Variants in CALN1 observed in about 807,000 individuals in gnomAD.
CALN1 encodes calneuron 1.
A neutral mutation model predicts 30.6 loss-of-function variants in CALN1; 17 were observed. The observed-to-expected ratio is 0.56, with a 90% CI of 0.38 to 0.83. The LOEUF is 0.83. Among genes scored for constraint, CALN1 ranks in the 40% least tolerant of loss-of-function variants. The probability of loss-of-function intolerance (pLI) is 0.00; values close to 1 mark genes in which losing one functional copy is unlikely to be tolerated. For synonymous variants in CALN1, 156 were observed against 131.4 expected, an observed-to-expected ratio of 1.19 and a Z score of -1.28; for missense variants, 291 against 354.9, an observed-to-expected ratio of 0.82 and a Z score of 1.45.
At chr7:72,186,008 C>A (rs1029703076) in intron 3 of CALN1, among the ~76,000 whole-genome samples, 43 of 152,030 alleles carry the variant, frequency 2.8e-4, no homozygotes, top group Non-Finnish European at 5.4e-4. Context: ...TGGGTGGGTG[C>A]AATGTCATTA....
chr7:72,106,373 G>A, intron 3 of CALN1, 79 bp from the exon 4 acceptor site: 1 of 1,559,772 alleles, frequency 6.4e-7, no homozygotes, highest in Non-Finnish European at 8.8e-7. Flanking sequence ...ATTGCCTACT[G>A]AGAACTCCTA....
intron 5 of CALN1, among the ~76,000 whole-genome samples, chr7:71,827,509 G>A (rs977749046): frequency 6.6e-6 from 1 of 152,132 alleles, no homozygotes; most frequent in Non-Finnish European, 1.5e-5. Context: ...GGTGGCTCAC[G>A]CCTGTAATCC....
chr7:71,945,957 G>C (rs71551239), intron 5 of CALN1, among the ~76,000 whole-genome samples: 23,370 of 152,210 alleles, frequency 0.15, 2,223 homozygotes, highest in Non-Finnish European at 0.23. Context: ...GTTCAGAGAA[G>C]TTAGGGCAGA....
intron 1 of CALN1, among the ~76,000 whole-genome samples, chr7:72,418,971 A>T (rs764258343): frequency 1.3e-5 from 2 of 152,124 alleles, no homozygotes; most frequent in Non-Finnish European, 2.9e-5. Context: ...AACTATGATC[A>T]TGCCACTGCA....
intron 3 of CALN1, among the ~76,000 whole-genome samples, chr7:72,163,704 G>A (rs1368383035): frequency 6.6e-6 from 1 of 152,124 alleles, no homozygotes; most frequent in Non-Finnish European, 1.5e-5. Flanking sequence ...CAACGAATTT[G>A]AAGACAGATC....
chr7:72,021,688 C>T (rs1800718085), intron 5 of CALN1, among the ~76,000 whole-genome samples: 1 of 152,130 alleles, frequency 6.6e-6, no homozygotes, highest in Admixed American at 6.5e-5. Flanking sequence ...GGACCAGGTC[C>T]CATCTCTCTG....
chr7:72,232,935 G>C (rs572467333), intron 3 of CALN1, among the ~76,000 whole-genome samples: 1 of 152,008 alleles, frequency 6.6e-6, no homozygotes, highest in Non-Finnish European at 1.5e-5. Flanking sequence ...TTCATAATTT[G>C]CTATATTTTT....
intron 4 of CALN1, among the ~76,000 whole-genome samples, chr7:72,093,252 T>A (rs1201345067): frequency 5.9e-5 from 9 of 152,210 alleles, no homozygotes; most frequent in Admixed American, 5.9e-4. Flanking sequence ...GGCATTCTCA[T>A]ACATTCCTTT....
At chr7:72,344,148 GT>G (rs1802509678) in intron 2 of CALN1, among the ~76,000 whole-genome samples, 1 of 152,046 alleles carries the variant, frequency 6.6e-6, no homozygotes, top group Admixed American at 6.5e-5. Context: ...AAAAAGAGAG[GT>G]TCCGGGCCTG....
At chr7:72,302,580 A>C (rs1799351669) in intron 2 of CALN1, among the ~76,000 whole-genome samples, 1 of 152,102 alleles carries the variant, frequency 6.6e-6, no homozygotes, top group African/African-American at 2.4e-5. Context: ...CCAGCATACC[A>C]AGCCCCCATC....
At chr7:71,890,046 T>C (rs990601320) in intron 5 of CALN1, among the ~76,000 whole-genome samples, 3 of 152,090 alleles carry the variant, frequency 2.0e-5, no homozygotes, top group South Asian at 2.1e-4. Context: ...TTGAGGTTAT[T>C]TGAGTTGAAT....
intron 3 of CALN1, among the ~76,000 whole-genome samples, chr7:72,181,911 G>A (rs1272922912): frequency 1.3e-5 from 2 of 152,192 alleles, no homozygotes; most frequent in Non-Finnish European, 2.9e-5. Flanking sequence ...CTATGTACCA[G>A]CACTATCCAA....
At chr7:72,389,184 C>T (rs986540947) in intron 2 of CALN1, among the ~76,000 whole-genome samples, 4 of 152,146 alleles carry the variant, frequency 2.6e-5, no homozygotes, top group Non-Finnish European at 5.9e-5. Context: ...CGCAGGAGCC[C>T]CTGTCCCTGG....
chr7:72,372,820 A>C (rs1201304289), intron 2 of CALN1, among the ~76,000 whole-genome samples: 1 of 152,202 alleles, frequency 6.6e-6, no homozygotes, highest in Non-Finnish European at 1.5e-5. Flanking sequence ...ATCACGTAAC[A>C]AAATACTCAA....
chr7:71,867,790 T>A (rs188119225), intron 5 of CALN1, among the ~76,000 whole-genome samples: 1 of 152,272 alleles, frequency 6.6e-6, no homozygotes, highest in Admixed American at 6.5e-5. Flanking sequence ...TTTTTAACCA[T>A]CAAAGACCCA....
intron 3 of CALN1, among the ~76,000 whole-genome samples, chr7:72,115,348 T>C (rs542684357): frequency 6.5e-4 from 97 of 149,848 alleles, no homozygotes; most frequent in African/African-American, 2.1e-3. Context: ...ACCTGGATTT[T>C]TTTTTTTTTA....
intron 5 of CALN1, among the ~76,000 whole-genome samples, chr7:71,972,016 A>AAAAG (rs150077575): frequency 2.1e-4 from 30 of 143,810 alleles, no homozygotes; most frequent in East Asian, 1.7e-3. Context: ...AAAAAGAAAG[A>AAAAG]AAAGAAAGAA....
At chr7:71,920,910 G>C (rs1367010934) in intron 5 of CALN1, among the ~76,000 whole-genome samples, 1 of 152,138 alleles carries the variant, frequency 6.6e-6, no homozygotes, top group African/African-American at 2.4e-5. Context: ...GCATACGTAT[G>C]TTTATTGTGG....
At chr7:71,789,126 G>T (rs960168985) in intron 6 of CALN1, among the ~76,000 whole-genome samples, 1 of 151,924 alleles carries the variant, frequency 6.6e-6, no homozygotes, top group Non-Finnish European at 1.5e-5. Flanking sequence ...TGAAAATGCA[G>T]ATTCTTGGCC....
Sources: gnomAD v4.1 joint callset for allele counts (sites outside exome capture counted in the v4.1 genomes callset) on GRCh38, gnomAD v4.1.1 for gene constraint, MANE v1.5 for transcripts, NCBI Gene and HGNC (gene_info 2026-07-23, HGNC 2026-07-21) for gene names.